Variants in CEP85 observed in about 807,000 individuals in gnomAD.
CEP85 encodes the protein centrosomal protein 85, also known as centrosomal protein of 85 kDa.
In CEP85, 58 loss-of-function variants were observed where a neutral mutation model predicts 93.7. The ratio of observed to expected loss-of-function variants is 0.62; its 90% confidence interval spans 0.50 to 0.77. CEP85 has a LOEUF of 0.77. Ranked by LOEUF, CEP85 falls within the 30% of genes least tolerant of loss-of-function variation. The probability of loss-of-function intolerance (pLI) is 0.00; values close to 1 mark genes in which losing one functional copy is unlikely to be tolerated. For synonymous variants in CEP85, 314 were observed against 338.6 expected, an observed-to-expected ratio of 0.93 and a Z score of 0.80; for missense variants, 868 against 922.0, an observed-to-expected ratio of 0.94 and a Z score of 0.76.
chr1:26,277,970 G>A lies in CEP85; in HGVS notation c.*677G>A, dbSNP rs2090077783. 6.5e-6 allele frequency: 1 copy of A among 152,684 alleles called. No homozygotes were observed. The highest frequency in any genetic ancestry group is 2.4e-5 in the African/African-American group (1 of 41,374). 9.5% of individuals were successfully genotyped at this position (152,684 alleles called of 1,614,324 possible). On this transcript the variant is annotated 3_prime_UTR_variant, in exon 14 of 14. Transcript: ENST00000451429. The stretch of plus-strand genomic sequence containing the variant: ...TCTCCAGCTGCCTTGTGTCCCTAGG[G>A]TCCTGGCCATGTGTTTAGTGTGCTA...
intron 7 of CEP85, among the ~76,000 whole-genome samples, chr1:26,264,516 A>G (rs916418439): frequency 6.6e-6 from 1 of 152,212 alleles, no homozygotes; most frequent in Non-Finnish European, 1.5e-5. Context: ...CTTGGCAATG[A>G]GAGTGAGACT....
chr1:26,255,872 G>A lies in CEP85; in HGVS notation c.903+7G>A, dbSNP rs1439739441. 6.9e-6 allele frequency: 11 copies of A among 1,587,806 alleles called. No homozygotes were observed. Among genetic ancestry groups the A allele is most frequent in the Non-Finnish European group, 7.7e-6 (9 of 1,164,552 alleles). ...ACAGATGGAGCAAATGCAGGTAGAG[G>A]TCTATCTTTCCTTGGATTTTCTAGG... is the stretch of plus-strand genomic sequence containing the variant. On this transcript the variant is annotated splice_region_variant and intron_variant, in intron 4 of 13. Coordinates refer to ENST00000451429, the MANE Select transcript of CEP85 (RefSeq NM_001319944.2).
chr1:26,269,679 A>G, intron 9 of CEP85, 65 bp downstream of exon 9: 1 of 1,323,828 alleles, frequency 7.6e-7, no homozygotes, highest in Non-Finnish European at 1.1e-6. Flanking sequence ...CATCCTGCTC[A>G]CTTACCTGTG....
chr1:26,268,063 A>G (rs186621927), intron 7 of CEP85, among the ~76,000 whole-genome samples: 1 of 152,214 alleles, frequency 6.6e-6, no homozygotes, highest in Admixed American at 6.5e-5. Context: ...AAGTTCATTA[A>G]TTCTTTAGTT....
At chr1:26,272,344 A>G (rs1260038199) in intron 11 of CEP85, 1 of 441,052 alleles carries the variant, frequency 2.3e-6, no homozygotes, top group East Asian at 3.6e-5. Context: ...GTTTCTGGAG[A>G]TCCTGAACCT....
rs1213935620 is a variant in CEP85 at position 26,277,156 on chromosome 1, C to G, written c.2149C>G (p.Leu717Val). 6 of 1,613,722 alleles carry G rather than the reference C, an allele frequency of 3.7e-6. No homozygotes were observed. The highest frequency in any genetic ancestry group is 5.1e-6 in the Non-Finnish European group (6 of 1,179,736). ...GIHSQHPETQ[L>V]DLQKPDVIKR... Reference sequence around the variant, plus strand: ...AGCAGCACAGCACCCAGAGACTCAGCTAGATTTGCAGAAGCCAGATGTGAT... The same window carrying G: ...AGCAGCACAGCACCCAGAGACTCAGGTAGATTTGCAGAAGCCAGATGTGAT... Residue 717 changes from leucine (L) to valine (V), a missense_variant, in exon 14 of 14, where the codon CTA becomes GTA. Transcript: ENST00000451429.
At chr1:26,270,702 A>G (rs947762059) in intron 9 of CEP85, among the ~76,000 whole-genome samples, 1 of 152,244 alleles carries the variant, frequency 6.6e-6, no homozygotes, top group Non-Finnish European at 1.5e-5. Context: ...TACAATGTAC[A>G]TGTATGACTT....
chr1:26,243,521 TG>T (rs1319360754), intron 2 of CEP85, among the ~76,000 whole-genome samples: 1 of 151,754 alleles, frequency 6.6e-6, no homozygotes, highest in Non-Finnish European at 1.5e-5. Flanking sequence ...AAAATAGGGG[TG>T]GTAATACTTT....
At chr1:26,238,301 A>G (rs1016755433) in intron 1 of CEP85, among the ~76,000 whole-genome samples, 4 of 141,234 alleles carry the variant, frequency 2.8e-5, no homozygotes, top group Non-Finnish European at 4.5e-5. Flanking sequence ...CCATGGTCCA[A>G]GCGATTCTCC....
intron 7 of CEP85, among the ~76,000 whole-genome samples, chr1:26,266,236 A>T (rs11247892): frequency 1.4e-4 from 21 of 151,418 alleles, no homozygotes; most frequent in Non-Finnish European, 5.9e-5. Flanking sequence ...TTTTCTTTAA[A>T]TATTAGCTGG....
chr1:26,274,686 C>T (rs2090027712), intron 11 of CEP85, among the ~76,000 whole-genome samples: 4 of 151,962 alleles, frequency 2.6e-5, no homozygotes, highest in Admixed American at 2.0e-4. Flanking sequence ...TAGAGGCTGG[C>T]CATGTGGAGG....
chr1:26,255,648 C>T lies in CEP85; in HGVS notation c.686C>T (p.Pro229Leu), dbSNP rs759508200. The T allele has an allele frequency of 1.4e-5, 22 of 1,613,914 alleles. No individual in the cohort carries two copies. Among genetic ancestry groups the T allele is most frequent in the South Asian group, 3.3e-5 (3 of 91,066 alleles). The change falls in exon 4 of 14, where the codon CCG (proline) becomes CTG (leucine). Residue 229 changes from proline (P) to leucine (L), a missense_variant. Pro to Leu is a moderately conservative substitution (Grantham distance 98). Coordinates refer to ENST00000451429, the MANE Select transcript of CEP85 (RefSeq NM_001319944.2). Reference sequence around the variant, plus strand: ...GTGTTGCCTGAGGCCAAGAAGGCACCGGGCAGCGGGGCAGTGTTTGAGCGG... The same window carrying T: ...GTGTTGCCTGAGGCCAAGAAGGCACTGGGCAGCGGGGCAGTGTTTGAGCGG... ...YRVLPEAKKA[P>L]GSGAVFERNG...
At position 26,257,602 on chromosome 1, in the gene CEP85, G is replaced by C; in HGVS notation, c.909G>C (p.Gln303His). ...TGGGCCTACTTGCCTTTCAGCTTCA[G>C]AATGGAGCCATCTGCCACCATCCTG... is the stretch of plus-strand genomic sequence containing the variant. ...IRLQMEQMQL[Q>H]NGAICHHPAA... Residue 303 changes from glutamine (Q) to histidine (H), a missense_variant, in exon 5 of 14, where the codon CAG becomes CAC. Transcript: ENST00000451429. 6.2e-7 allele frequency: 1 copy of C among 1,614,148 alleles called. No homozygotes were observed.
intron 1 of CEP85, among the ~76,000 whole-genome samples, chr1:26,234,661 C>T (rs1397470358): frequency 1.3e-5 from 2 of 152,204 alleles, no homozygotes; most frequent in Admixed American, 1.3e-4. Flanking sequence ...AATCCCTCGG[C>T]GCGCAGTGAG....
intron 11 of CEP85, among the ~76,000 whole-genome samples, chr1:26,274,443 T>C (rs1223983347): frequency 6.6e-6 from 1 of 152,218 alleles, no homozygotes; most frequent in East Asian, 1.9e-4. Flanking sequence ...ATCATGTGCA[T>C]AGCCAACTAG....
chr1:26,255,180 G>A lies in CEP85; in HGVS notation c.218G>A (p.Ser73Asn). The A allele has an allele frequency of 6.2e-7, 1 of 1,612,188 alleles. No individual in the cohort carries two copies. The highest frequency in any genetic ancestry group is 8.5e-7 in the Non-Finnish European group (1 of 1,178,908). Residue 73 changes from serine (S) to asparagine (N), a missense_variant, in exon 4 of 14, where the codon AGC (serine) becomes AAC (asparagine). Transcript: ENST00000451429. ...ACTATTCTCTCCCCAGATTTTTGCA[G>A]CTCAAGTGGCAGTCCTCCTTTCCAG... The part of the protein sequence containing the change: ...SCSDIAEDFC[S>N]SSGSPPFQPI...
At chr1:26,242,806 GTTTA>G (rs1220245137) in intron 2 of CEP85, among the ~76,000 whole-genome samples, 2 of 151,834 alleles carry the variant, frequency 1.3e-5, no homozygotes, top group Admixed American at 6.6e-5. Flanking sequence ...TTGTTTGTTT[GTTTA>G]TTTGTTTACA....
chr1:26,268,368 G>A, intron 7 of CEP85, 115 bp from the exon 8 acceptor site: 3 of 1,148,592 alleles, frequency 2.6e-6, no homozygotes, highest in Non-Finnish European at 3.9e-6. Context: ...TGAGGTAGGA[G>A]GATCACTTGA....
chr1:26,242,051 T>G (rs10902723), intron 2 of CEP85, among the ~76,000 whole-genome samples: 2 of 151,136 alleles, frequency 1.3e-5, no homozygotes, highest in Non-Finnish European at 2.9e-5. Flanking sequence ...CATGAGCCAC[T>G]GCACCCGGCC....
Sources: allele counts gnomAD v4.1 joint callset (sites outside exome capture counted in the v4.1 genomes callset), GRCh38; gene constraint gnomAD v4.1.1; transcripts MANE v1.5; gene names NCBI Gene and HGNC (gene_info 2026-07-23, HGNC 2026-07-21).